TAF5: variants seen among roughly 807,000 people sequenced by gnomAD.
TAF5 encodes TATA-box binding protein associated factor 5.
A neutral mutation model predicts 80.9 loss-of-function variants in TAF5; 20 were observed. That is an observed-to-expected ratio of 0.25 (90% CI 0.17 to 0.36). The LOEUF is 0.36. Among genes scored for constraint, TAF5 ranks in the 10% least tolerant of loss-of-function variants. The pLI, the probability that TAF5 is intolerant of heterozygous loss-of-function variation, is 1.00. For missense variants in TAF5, 863 were observed against 1,029.4 expected (o/e 0.84, Z 2.21); for synonymous variants, 388 against 406.4 (o/e 0.95, Z 0.55).
Position 103,378,633 on chromosome 10 carries a change from T to C in TAF5, c.1113+83T>C. On this transcript the variant is annotated intron_variant, in intron 3 of 10. Transcript: ENST00000369839. This position sits in a 1 kb window ranked among gnomAD's most constrained non-coding sequence, Gnocchi z 4.1. ...CATCTACATAAGTTACACATTTTTC[T>C]TATAGCTAGCTTGGAAACAATTTTT... 7.0e-7 allele frequency: 1 copy of C among 1,425,532 alleles called. No homozygotes were observed. The highest frequency in any genetic ancestry group is 2.4e-5 in the East Asian group (1 of 41,602). The allele number at this position is 1,425,532 out of a possible 1,614,324, so 88.3% of individuals were successfully genotyped here. A position where few individuals can be genotyped will look rare whatever the true frequency, so the allele number is the denominator to read the frequency against.
chr10:103,383,145 A>G, intron 6 of TAF5, 93 bp from the exon 7 acceptor site: 1 of 1,242,640 alleles, frequency 8.0e-7, no homozygotes, highest in Non-Finnish European at 1.1e-6. Flanking sequence ...GGAAATTTTC[A>G]AATGTTAATT....
chr10:103,370,649 A>G (rs1006645630), intron 1 of TAF5, among the ~76,000 whole-genome samples: 6 of 151,956 alleles, frequency 3.9e-5, no homozygotes, highest in African/African-American at 1.4e-4. Flanking sequence ...TATAATATCT[A>G]TATGTAAAAT....
At position 103,378,796 on chromosome 10, in the gene TAF5, TA is replaced by T. The variant is rs1342879816; in HGVS notation, c.1113+247del. On this transcript the variant is annotated intron_variant, in intron 3 of 10. Coordinates refer to ENST00000369839, the MANE Select transcript of TAF5 (RefSeq NM_006951.5). This position sits in a 1 kb window ranked among gnomAD's most constrained non-coding sequence, Gnocchi z 4.1. ...CCTCAGCTTCCCGAGTAGCTGGGAT[TA>T]GAGGCACACGCCACCAACCTGGCTA... Among the ~76,000 whole-genome samples, 1 of 152,090 alleles carries T rather than the reference TA, an allele frequency of 6.6e-6. No homozygotes were observed. Among genetic ancestry groups the T allele is most frequent in the Non-Finnish European group, 1.5e-5 (1 of 67,998 alleles).
rs763802549 is a variant in TAF5, at chr10:103,387,988, C to A, written c.2186-18C>A. On this transcript the variant is annotated intron_variant, in intron 10 of 10. Coordinates refer to ENST00000369839, the MANE Select transcript of TAF5 (RefSeq NM_006951.5). ...ATATGATGGATGCAACTAATGGTTT[C>A]CTTTGACTTCCCCTTAGGTTCAATG... 3 of 1,603,148 alleles carry A rather than the reference C, an allele frequency of 1.9e-6. No homozygotes were observed. The highest frequency in any genetic ancestry group is 1.7e-6 in the Non-Finnish European group (2 of 1,170,776).
chr10:103,373,073 C>G (rs921639108), intron 1 of TAF5, among the ~76,000 whole-genome samples: 5 of 151,518 alleles, frequency 3.3e-5, no homozygotes, highest in African/African-American at 4.9e-5. Flanking sequence ...CATGGTGGCA[C>G]ACGCTTGTAG....
At chr10:103,370,138 A>G (rs1490976260) in intron 1 of TAF5, among the ~76,000 whole-genome samples, 12 of 151,226 alleles carry the variant, frequency 7.9e-5, no homozygotes, top group Non-Finnish European at 1.8e-4. Context: ...GGGCTGAGGC[A>G]GGAGAATCAC....
chr10:103,368,387 C>T lies in TAF5; in HGVS notation c.398C>T (p.Pro133Leu), dbSNP rs770025998. ...LEEAVAGSGA[P>L]GEVDSAGAEV... ...GAGGCAGTGGCGGGCTCCGGAGCCC[C>T]GGGAGAGGTGGACAGCGCCGGCGCT... Residue 133 changes from proline to leucine, a missense_variant, in exon 1 of 11, where the codon CCG (proline) becomes CTG (leucine). By Grantham distance (98) the Pro-to-Leu change is moderately conservative. Coordinates refer to ENST00000369839, the MANE Select transcript of TAF5 (RefSeq NM_006951.5). 1.3e-6 allele frequency: 2 copies of T among 1,561,316 alleles called. No individual in the cohort carries two copies. The highest frequency in any genetic ancestry group is 8.6e-7 in the Non-Finnish European group (1 of 1,162,680).
At chr10:103,375,318 G>A (rs1022980083) in intron 2 of TAF5, among the ~76,000 whole-genome samples, 1 of 152,088 alleles carries the variant, frequency 6.6e-6, no homozygotes, top group Admixed American at 6.6e-5. Context: ...GTGAAGAGAA[G>A]TAGACAAAGT....
chr10:103,368,386 C>G lies in TAF5; in HGVS notation c.397C>G (p.Pro133Ala). The change falls in exon 1 of 11, where the codon CCG becomes GCG. Residue 133 changes from proline to alanine, a missense_variant. Physicochemically the swap from Pro to Ala is conservative, Grantham distance 27. This residue lies in a region of TAF5 where 367 missense variants were observed against 335.5 expected (regional missense o/e 1.09). Coordinates refer to ENST00000369839, the MANE Select transcript of TAF5 (RefSeq NM_006951.5). The stretch of plus-strand genomic sequence containing the variant: ...GGAGGCAGTGGCGGGCTCCGGAGCC[C>G]CGGGAGAGGTGGACAGCGCCGGCGC... ...LEEAVAGSGA[P>A]GEVDSAGAEV... The G allele has an allele frequency of 6.4e-7, 1 of 1,561,216 alleles. No homozygotes were observed. Among genetic ancestry groups the G allele is most frequent in the Non-Finnish European group, 8.6e-7 (1 of 1,162,574 alleles).
intron 1 of TAF5, among the ~76,000 whole-genome samples, chr10:103,372,811 G>A (rs1327236379): frequency 2.0e-5 from 3 of 151,366 alleles, no homozygotes; most frequent in Non-Finnish European, 4.4e-5. Flanking sequence ...CAGGAGAATC[G>A]CTTGAACCCG....
Position 103,368,292 on chromosome 10 carries a change from G to A in TAF5, c.303G>A (p.Leu101=). 1 of 1,581,554 alleles carries A rather than the reference G, an allele frequency of 6.3e-7. No homozygotes were observed. The highest frequency in any genetic ancestry group is 8.5e-7 in the Non-Finnish European group (1 of 1,172,772). ...ACCGACAGACTCTACTGGCCGTGCTGCAGTTCCTACGGCAGAGCAAACTCC... is the reference window on the plus strand; with the variant it reads ...ACCGACAGACTCTACTGGCCGTGCTACAGTTCCTACGGCAGAGCAAACTCC... ...PHDRQTLLAV[L]QFLRQSKLRE... is the part of the protein sequence containing the mutation. The change falls in exon 1 of 11, where the codon CTG becomes CTA. Residue 101 remains leucine (L), a synonymous_variant. Transcript: ENST00000369839.
In TAF5 at chr10:103,379,777, G is replaced by GA. The variant is rs1156699336; in HGVS notation, c.1277+12dup. The GA allele has an allele frequency of 6.9e-6, 11 of 1,591,670 alleles. No individual in the cohort carries two copies. In the Admixed American group the frequency reaches 9.3e-5, roughly 14 times the overall value. On this transcript the variant is annotated splice_region_variant and intron_variant, in intron 4 of 10. Coordinates refer to ENST00000369839, the MANE Select transcript of TAF5 (RefSeq NM_006951.5). ...AATGCTCCACCTCAGAACAGGTGAGGAAAAAACTTCAGGAACTTGTGTGTG... is the reference window on the plus strand; with the variant it reads ...AATGCTCCACCTCAGAACAGGTGAGGAAAAAAACTTCAGGAACTTGTGTGTG...
At chr10:103,382,102 A>G (rs1165540941) in intron 6 of TAF5, among the ~76,000 whole-genome samples, 2 of 152,240 alleles carry the variant, frequency 1.3e-5, no homozygotes, top group Non-Finnish European at 2.9e-5. Flanking sequence ...AAAATCTAAC[A>G]TTTTATGATT....
Position 103,388,030 on chromosome 10 carries a change from T to C in TAF5, c.2210T>C (p.Leu737Ser), listed in dbSNP as rs2093401777. The C allele has an allele frequency of 6.2e-7, 1 of 1,613,962 alleles. No homozygotes were observed. Among genetic ancestry groups the C allele is most frequent in the African/African-American group, 1.3e-5 (1 of 74,932 alleles). ...GGTTCAATGGATAATACAGTTCGAT[T>C]ATGGGATGCTATCAAAGCCTTTGAA... The part of the protein sequence containing the change: ...ASGSMDNTVR[L>S]WDAIKAFEDL... The change falls in exon 11 of 11, where the codon TTA (leucine) becomes TCA (serine). Residue 737 changes from leucine (L) to serine (S), a missense_variant. By Grantham distance (145) the Leu-to-Ser change is moderately radical (BLOSUM62 -2). Around this residue, in one of 3 missense-constraint regions of TAF5, gnomAD observed 368 missense variants for 461.7 expected, o/e 0.80. Coordinates refer to ENST00000369839, the MANE Select transcript of TAF5 (RefSeq NM_006951.5).
In TAF5 at chr10:103,387,524, C is replaced by G; in HGVS notation, c.2011C>G (p.Pro671Ala). 1 of 1,609,170 alleles carries G rather than the reference C, an allele frequency of 6.2e-7. No homozygotes were observed. Among genetic ancestry groups the G allele is most frequent in the Non-Finnish European group, 8.5e-7 (1 of 1,178,508 alleles). Residue 671 changes from proline to alanine, a missense_variant, in exon 10 of 11, where the codon CCA (proline) becomes GCA (alanine). Around this residue, in one of 3 missense-constraint regions of TAF5, gnomAD observed 368 missense variants for 461.7 expected, o/e 0.80. Transcript: ENST00000369839. ...CVRIFTGHKGPIHSLTFSPNG... is the reference protein window; with the variant it reads ...CVRIFTGHKGAIHSLTFSPNG... Reference sequence around the variant, plus strand: ...TTTTCTATGAACTTTTTTCTAGGGACCAATTCATTCCTTGACATTTTCTCC... The same window carrying G: ...TTTTCTATGAACTTTTTTCTAGGGAGCAATTCATTCCTTGACATTTTCTCC...
intron 3 of TAF5, among the ~76,000 whole-genome samples, chr10:103,379,025 A>G (rs886472425): frequency 1.8e-4 from 27 of 152,146 alleles, no homozygotes; most frequent in African/African-American, 6.3e-4. Context: ...ATATGTGACA[A>G]TTTGGGTATG....
Position 103,388,052 on chromosome 10 carries a change from T to G in TAF5, c.2232T>G (p.Phe744Leu), listed in dbSNP as rs961707239. ...GATTATGGGATGCTATCAAAGCCTTTGAAGATTTAGAGACCGATGACTTTA... is the reference window on the plus strand; with the variant it reads ...GATTATGGGATGCTATCAAAGCCTTGGAAGATTTAGAGACCGATGACTTTA... Reference protein sequence around the residue: ...TVRLWDAIKAFEDLETDDFTT... With the variant: ...TVRLWDAIKALEDLETDDFTT... The change falls in exon 11 of 11, where the codon TTT (phenylalanine) becomes TTG (leucine). Residue 744 changes from phenylalanine (F) to leucine (L), a missense_variant. Transcript: ENST00000369839. 2 of 1,613,986 alleles carry G rather than the reference T, an allele frequency of 1.2e-6. No individual in the cohort carries two copies. Among genetic ancestry groups the G allele is most frequent in the East Asian group, 2.2e-5 (1 of 44,872 alleles).
chr10:103,368,258 C>T lies in TAF5; in HGVS notation c.269C>T (p.Ala90Val). 1 of 1,520,862 alleles carries T rather than the reference C, an allele frequency of 6.6e-7. No homozygotes were observed. Among genetic ancestry groups the T allele is most frequent in the Non-Finnish European group, 8.8e-7 (1 of 1,140,936 alleles). The allele number at this position is 1,520,862 out of a possible 1,614,324, so 94.2% of individuals were successfully genotyped here. Residue 90 changes from alanine to valine, a missense_variant, in exon 1 of 11, where the codon GCT (alanine) becomes GTT (valine). Coordinates refer to ENST00000369839, the MANE Select transcript of TAF5 (RefSeq NM_006951.5). ...PVPAAAPDAG[A>V]PHDRQTLLAV... ...CCCGCCGCTGCTCCGGACGCCGGCG[C>T]TCCGCATGACCGACAGACTCTACTG...
rs1232374918 is a variant in TAF5 at position 103,388,202 on chromosome 10, A to C, written c.2382A>C (p.Ala794=). ...HFTRRNLVLA[A]GAYSPQ is the part of the protein sequence containing the mutation. ...CTCGAAGAAACCTGGTTCTAGCTGC[A>C]GGAGCTTATAGTCCACAATAAACCA... The change falls in exon 11 of 11, where the codon GCA becomes GCC. Residue 794 remains alanine (A), a synonymous_variant. Coordinates refer to ENST00000369839, the MANE Select transcript of TAF5 (RefSeq NM_006951.5). 8.7e-6 allele frequency: 14 copies of C among 1,613,796 alleles called. No individual in the cohort carries two copies. Among genetic ancestry groups the C allele is most frequent in the Non-Finnish European group, 1.2e-5 (14 of 1,179,950 alleles).
Sources: allele counts gnomAD v4.1 joint callset (sites outside exome capture counted in the v4.1 genomes callset), GRCh38; gene constraint gnomAD v4.1.1; regional missense constraint gnomAD v4.1.1; non-coding constraint Gnocchi (gnomAD v3.1); transcripts MANE v1.5; gene names NCBI Gene and HGNC (gene_info 2026-07-23, HGNC 2026-07-21).